The following ST8SIA2 variants were observed in gnomAD, a reference collection of about 807,000 sequenced individuals.
ST8SIA2 encodes the protein alpha-2,8-sialyltransferase 8B.
ST8SIA2 carries 22 observed loss-of-function variants against 37.6 expected under a neutral mutation model. The observed-to-expected ratio is 0.58, with a 90% CI of 0.42 to 0.83. The LOEUF is 0.83. ST8SIA2 is among the 40% of genes least tolerant of loss of function. ST8SIA2 has a pLI of 0.00. For synonymous variants in ST8SIA2, 205 were observed against 201.2 expected (o/e 1.02, Z -0.16); for missense variants, 382 against 484.7 (o/e 0.79, Z 1.99).
At chr15:92,405,307 G>A (rs916169114) in intron 1 of ST8SIA2, among the ~76,000 whole-genome samples, 10 of 152,192 alleles carry the variant, frequency 6.6e-5, no homozygotes, top group African/African-American at 2.4e-4. Flanking sequence ...GTAGAATGGC[G>A]GTTGCCAGGG....
intron 5 of ST8SIA2, among the ~76,000 whole-genome samples, chr15:92,457,163 C>T (rs561768619): frequency 1.7e-3 from 257 of 152,330 alleles, no homozygotes; most frequent in Non-Finnish European, 3.0e-3. Flanking sequence ...TGCTGCTGAT[C>T]GTTCACAAAG....
At chr15:92,407,550 G>C (rs977873013) in intron 1 of ST8SIA2, among the ~76,000 whole-genome samples, 1 of 152,222 alleles carries the variant, frequency 6.6e-6, no homozygotes, top group Admixed American at 6.5e-5. Flanking sequence ...GTTGGCGTAT[G>C]CAGTCACAGT....
rs2049408624 is a variant in ST8SIA2 at position 92,393,925 on chromosome 15, C to T, written c.-140C>T. The T allele has an allele frequency of 3.1e-6, 1 of 325,034 alleles. No homozygotes were observed. The highest frequency in any genetic ancestry group is 5.0e-6 in the Non-Finnish European group (1 of 198,746). The allele number at this position is 325,034 out of a possible 1,614,324, so 20.1% of individuals were successfully genotyped here. Reference sequence around the variant, plus strand: ...CTGCCGCTGCCGCTGCCGCTGCCGCCGCCGGCCCGGACTCGTCCGGAGCGC... The same window carrying T: ...CTGCCGCTGCCGCTGCCGCTGCCGCTGCCGGCCCGGACTCGTCCGGAGCGC... On this transcript the variant is annotated 5_prime_UTR_variant, in exon 1 of 6. Transcript: ENST00000268164.
intron 1 of ST8SIA2, among the ~76,000 whole-genome samples, chr15:92,429,061 T>C (rs2049696324): frequency 6.6e-6 from 1 of 152,182 alleles, no homozygotes; most frequent in African/African-American, 2.4e-5. Flanking sequence ...GTGTTCTCAT[T>C]TAATGACAAG....
chr15:92,394,115 G>A lies in ST8SIA2; in HGVS notation c.51G>A (p.Val17=), dbSNP rs374608010. 3 of 1,560,676 alleles carry A rather than the reference G, an allele frequency of 1.9e-6. No homozygotes were observed. Among genetic ancestry groups the A allele is most frequent in the Non-Finnish European group, 2.6e-6 (3 of 1,151,384 alleles). Residue 17 remains valine (V), a synonymous_variant, in exon 1 of 6, where the codon GTG becomes GTA. Transcript: ENST00000268164. ...TGCTGGCCGCGCTCACGCTGCTCGT[G>A]GTCTTCCTCATCTTCGCAGACATCT... is the stretch of plus-strand genomic sequence containing the variant. ...SWMLAALTLL[V]VFLIFADISE...
Position 92,466,248 on chromosome 15 carries a change from G to A in ST8SIA2, c.*1863G>A, listed in dbSNP as rs994479278. The A allele has an allele frequency of 6.6e-6, 1 of 152,212 alleles. No individual in the cohort carries two copies. The highest frequency in any genetic ancestry group is 1.5e-5 in the Non-Finnish European group (1 of 68,038). The allele number at this position is 152,212 out of a possible 1,614,324, so 9.4% of individuals were successfully genotyped here. A position where few individuals can be genotyped will look rare whatever the true frequency, so the allele number is the denominator to read the frequency against. On this transcript the variant is annotated 3_prime_UTR_variant, in exon 6 of 6. Transcript: ENST00000268164. ...AAAATGAATATTTTAAAAAGCAACA[G>A]CCCTAATAGCCTCTGTGGGAACTGA...
chr15:92,397,000 C>T (rs191219317), intron 1 of ST8SIA2, among the ~76,000 whole-genome samples: 38 of 152,300 alleles, frequency 2.5e-4, no homozygotes, highest in African/African-American at 8.9e-4. Flanking sequence ...CCAACTCACT[C>T]CGGACCTGTG....
rs1350046317 is a variant in ST8SIA2, at chr15:92,394,174, C to T, written c.98+12C>T. On this transcript the variant is annotated intron_variant, in intron 1 of 5. Coordinates refer to ENST00000268164, the MANE Select transcript of ST8SIA2 (RefSeq NM_006011.4). ...GAAGAAGAAATCGGGTAAATAGCTG[C>T]TCCCAGGCCCGTGCCACGAGCCCTG... 1.9e-6 allele frequency: 3 copies of T among 1,549,360 alleles called. No homozygotes were observed. Among genetic ancestry groups the T allele is most frequent in the Non-Finnish European group, 1.7e-6 (2 of 1,144,332 alleles).
At chr15:92,446,950 G>C (rs981184628) in intron 5 of ST8SIA2, among the ~76,000 whole-genome samples, 3 of 152,144 alleles carry the variant, frequency 2.0e-5, no homozygotes, top group African/African-American at 7.2e-5. Flanking sequence ...TGTGGGCCAT[G>C]GTAAAGAGTT....
At chr15:92,400,043 C>T (rs963917997) in intron 1 of ST8SIA2, among the ~76,000 whole-genome samples, 15 of 152,182 alleles carry the variant, frequency 9.9e-5, no homozygotes, top group African/African-American at 3.6e-4. Flanking sequence ...GATTTCATAC[C>T]TCTGTGCCTT....
At chr15:92,413,480 T>C (rs2049564791) in intron 1 of ST8SIA2, among the ~76,000 whole-genome samples, 1 of 152,176 alleles carries the variant, frequency 6.6e-6, no homozygotes, top group Non-Finnish European at 1.5e-5. Flanking sequence ...TAGTGTTGTA[T>C]CAAAGAGGTA....
intron 5 of ST8SIA2, among the ~76,000 whole-genome samples, chr15:92,455,265 T>G (rs1052145762): frequency 2.0e-5 from 3 of 152,152 alleles, no homozygotes; most frequent in Admixed American, 2.0e-4. Flanking sequence ...CTATCACCTT[T>G]TTGGAAGCGT....
intron 5 of ST8SIA2, among the ~76,000 whole-genome samples, chr15:92,460,365 G>A (rs1361167861): frequency 6.6e-6 from 1 of 152,214 alleles, no homozygotes; most frequent in Non-Finnish European, 1.5e-5. Context: ...GGCGTAGGTT[G>A]AGAACTTCTG....
chr15:92,438,832 C>T lies in ST8SIA2; in HGVS notation c.548+222C>T, dbSNP rs146170854. Among the ~76,000 whole-genome samples, 11 of 152,286 alleles carry T rather than the reference C, an allele frequency of 7.2e-5. No homozygotes were observed. The East Asian group carries it at 1.7e-3, about 24-fold the overall frequency. On this transcript the variant is annotated intron_variant, in intron 4 of 5. Transcript: ENST00000268164. Reference sequence around the variant, plus strand: ...TCAATGGAGGAGAGGGGAAGAGAGGCGTGGCAGGGGTGCGGGCAACCCAGG... The same window carrying T: ...TCAATGGAGGAGAGGGGAAGAGAGGTGTGGCAGGGGTGCGGGCAACCCAGG...
intron 1 of ST8SIA2, among the ~76,000 whole-genome samples, chr15:92,408,047 C>A (rs2049520883): frequency 6.6e-6 from 1 of 152,174 alleles, no homozygotes; most frequent in South Asian, 2.1e-4. Flanking sequence ...CTACTCCTTG[C>A]AAAACTTCTC....
rs2049985154 is a variant in ST8SIA2 at position 92,465,419 on chromosome 15, A to G, written c.*1034A>G. On this transcript the variant is annotated 3_prime_UTR_variant, in exon 6 of 6. Transcript: ENST00000268164. ...AGATAAATGTCATCCTTCTTAAAATACATATGATTGCCTTTTTGGGTGCCT... is the reference window on the plus strand; with the variant it reads ...AGATAAATGTCATCCTTCTTAAAATGCATATGATTGCCTTTTTGGGTGCCT... The G allele has an allele frequency of 6.6e-6, 1 of 152,228 alleles. No individual in the cohort carries two copies. The highest frequency in any genetic ancestry group is 1.5e-5 in the Non-Finnish European group (1 of 68,054). The allele number at this position is 152,228 out of a possible 1,614,324, so 9.4% of individuals were successfully genotyped here. A position where few individuals can be genotyped will look rare whatever the true frequency, so the allele number is the denominator to read the frequency against.
chr15:92,444,675 G>C lies in ST8SIA2; in HGVS notation c.588G>C (p.Val196=). 1 of 1,614,236 alleles carries C rather than the reference G, an allele frequency of 6.2e-7. No individual in the cohort carries two copies. Among genetic ancestry groups the C allele is most frequent in the African/African-American group, 1.3e-5 (1 of 75,068 alleles). The change falls in exon 5 of 6, where the codon GTG becomes GTC. Residue 196 remains valine, a synonymous_variant. Coordinates refer to ENST00000268164, the MANE Select transcript of ST8SIA2 (RefSeq NM_006011.4). ...CAGTACAGGAGTATGCCCGGGATGT[G>C]GGGCTCAAGACAGACCTGGTAACCA... The part of the protein sequence containing the change: ...LAPVQEYARD[V]GLKTDLVTMN...
intron 4 of ST8SIA2, among the ~76,000 whole-genome samples, chr15:92,439,819 G>A (rs1369741681): frequency 6.6e-6 from 1 of 152,138 alleles, no homozygotes; most frequent in East Asian, 1.9e-4. Context: ...AGAAGGAAGA[G>A]TGGCTGGTCT....
rs34156050 is a variant in ST8SIA2, at chr15:92,464,072, C to CTTTTTTTT, written c.843-12_843-5dup. 6.5e-4 allele frequency: 827 copies of CTTTTTTTT among 1,272,764 alleles called. 11 individuals carry two copies. Among genetic ancestry groups the CTTTTTTTT allele is most frequent in the South Asian group, 2.7e-3 (174 of 63,600 alleles). 78.8% of individuals were successfully genotyped at this position (1,272,764 alleles called of 1,614,324 possible). ...TGACTCACAGACCCATGTTTCTTTT[C>CTTTTTTTT]TTTTTTTTTTTTTTTTTTTTTTTCC... On this transcript the variant is annotated intron_variant, in intron 5 of 5. Coordinates refer to ENST00000268164, the MANE Select transcript of ST8SIA2 (RefSeq NM_006011.4).
Sources: allele counts gnomAD v4.1 joint callset (sites outside exome capture counted in the v4.1 genomes callset), GRCh38; gene constraint gnomAD v4.1.1; transcripts MANE v1.5; gene names NCBI Gene and HGNC (gene_info 2026-07-23, HGNC 2026-07-21).